Variants in ZNF790 observed in about 807,000 individuals in gnomAD.
ZNF790 encodes the protein zinc finger protein 790.
In ZNF790, 8 loss-of-function variants were observed where a neutral mutation model predicts 12.1. The ratio of observed to expected loss-of-function variants is 0.66; its 90% confidence interval spans 0.39 to 1.19. The LOEUF (loss-of-function observed/expected upper bound fraction) is 1.19, where lower values mean the gene tolerates loss of function less well. Among genes scored for constraint, ZNF790 ranks in the 50% most tolerant of loss-of-function variants. ZNF790 has a pLI of 0.01. For synonymous variants in ZNF790, 252 were observed against 244.3 expected (o/e 1.03, Z -0.29); for missense variants, 707 against 752.2 (o/e 0.94, Z 0.70).
intron 1 of ZNF790, among the ~76,000 whole-genome samples, chr19:36,847,672 C>T (rs1037134950): frequency 1.3e-5 from 2 of 150,984 alleles, no homozygotes; most frequent in African/African-American, 2.4e-5. Flanking sequence ...ATCACTTGAA[C>T]TGGGGAGATG....
Position 36,818,745 on chromosome 19 carries a change from A to C in ZNF790, c.1599T>G (p.Pro533=). 6.2e-7 allele frequency: 1 copy of C among 1,612,324 alleles called. No individual in the cohort carries two copies. Among genetic ancestry groups the C allele is most frequent in the Non-Finnish European group, 8.5e-7 (1 of 1,179,442 alleles). The change falls in exon 5 of 5, where the codon CCT becomes CCG. Residue 533 remains proline (P), a synonymous_variant. Coordinates refer to ENST00000356725, the MANE Select transcript of ZNF790 (RefSeq NM_206894.4). ...ATTTCCCACATTCTTTACATACGTA[A>C]GGTTCCTCACCAGTATGCATTCTCT... ...RHQRMHTGEE[P]YVCKECGKSF... is the part of the protein sequence containing the mutation.
upstream of ZNF790, among the ~76,000 whole-genome samples, chr19:36,839,787 A>G (rs2072113046): frequency 6.6e-6 from 1 of 152,086 alleles, no homozygotes; most frequent in Admixed American, 6.6e-5. Context: ...TCTCAGCTGG[A>G]CGCGGTGGCT....
At chr19:36,842,902 G>T (rs1179766325), upstream of ZNF790, among the ~76,000 whole-genome samples, 1 of 151,526 alleles carries the variant, frequency 6.6e-6, no homozygotes, top group Non-Finnish European at 1.5e-5. Context: ...CTACTCAGGA[G>T]GCTGAGGCAG....
At position 36,818,431 on chromosome 19, in the gene ZNF790, T is replaced by C. The variant is rs1454982308; in HGVS notation, c.*2A>G. On this transcript the variant is annotated 3_prime_UTR_variant, in exon 5 of 5. Coordinates refer to ENST00000356725, the MANE Select transcript of ZNF790 (RefSeq NM_206894.4). ...GCCCTTCCTACACTTTTATATAATA[T>C]TTCACAAGAGTGAAATGAAGTGAGA... is the stretch of plus-strand genomic sequence containing the variant. The C allele has an allele frequency of 3.9e-6, 6 of 1,529,094 alleles. No homozygotes were observed. The African/African-American group carries it at 8.3e-5, about 21-fold the overall frequency. The allele number at this position is 1,529,094 out of a possible 1,614,324, so 94.7% of individuals were successfully genotyped here.
At chr19:36,820,169 A>C (rs901466306) in intron 4 of ZNF790, 55 bp from the exon 5 acceptor site, 2 of 1,514,826 alleles carry the variant, frequency 1.3e-6, no homozygotes, top group Non-Finnish European at 1.8e-6. Flanking sequence ...AAAGCAATAC[A>C]ACTTCTAAAA....
chr19:36,845,799 T>C (rs886940135), intron 1 of ZNF790, among the ~76,000 whole-genome samples: 1 of 134,510 alleles, frequency 7.4e-6, no homozygotes, highest in Non-Finnish European at 1.5e-5. Flanking sequence ...ACCTAGATTC[T>C]TTTTTTTTTT....
chr19:36,836,060 T>C (rs1323161822), intron 1 of ZNF790, among the ~76,000 whole-genome samples: 2 of 152,040 alleles, frequency 1.3e-5, no homozygotes, highest in Non-Finnish European at 2.9e-5. Flanking sequence ...CTGCCTACCT[T>C]GACCCCCCTT....
At position 36,819,335 on chromosome 19, in the gene ZNF790, G is replaced by GT. The variant is rs2071614146; in HGVS notation, c.1008dup (p.Pro337ThrfsTer3). ...TTCCCACACTCCTTACATTCATAAG[G>GT]TTTTTCACCAGTGTGAATTCTCTGA... On this transcript the variant is annotated frameshift_variant, in exon 5 of 5. Coordinates refer to ENST00000356725, the MANE Select transcript of ZNF790 (RefSeq NM_206894.4). LOFTEE classifies it low-confidence loss of function (END_TRUNC). 2 of 1,612,230 alleles carry GT rather than the reference G, an allele frequency of 1.2e-6. No homozygotes were observed. The highest frequency in any genetic ancestry group is 3.3e-5 in the Admixed American group (2 of 59,746).
intron 1 of ZNF790, among the ~76,000 whole-genome samples, chr19:36,827,089 T>G (rs1423934143): frequency 7.0e-6 from 1 of 142,226 alleles, no homozygotes; most frequent in African/African-American, 2.6e-5. Context: ...TGTGTGTATA[T>G]ATGTGTGTGT....
At chr19:36,838,555 A>G (rs908578478), upstream of ZNF790, among the ~76,000 whole-genome samples, 2 of 152,060 alleles carry the variant, frequency 1.3e-5, no homozygotes, top group Admixed American at 1.3e-4. This position sits in a 1 kb window ranked among gnomAD's most constrained non-coding sequence, Gnocchi z 4.4. Context: ...TCGCCCACAC[A>G]CCGCTCACAT....
At position 36,825,615 on chromosome 19, in the gene ZNF790, G is replaced by C. The variant is rs955337909; in HGVS notation, c.5C>G (p.Ala2Gly). 1 of 1,614,000 alleles carries C rather than the reference G, an allele frequency of 6.2e-7. No homozygotes were observed. The highest frequency in any genetic ancestry group is 8.5e-7 in the Non-Finnish European group (1 of 1,179,924). The change falls in exon 2 of 5, where the codon GCC becomes GGC. Residue 2 changes from alanine (A) to glycine (G), a missense_variant. Transcript: ENST00000356725. Reference sequence around the variant, plus strand: ...AGAGAGGCAATTCCAACTCACATGGGCCATGACTTAACATTCCAAGTCCAC... The same window carrying C: ...AGAGAGGCAATTCCAACTCACATGGCCCATGACTTAACATTCCAAGTCCAC... M[A>G]HLMMFRDVAV...
intron 1 of ZNF790, among the ~76,000 whole-genome samples, chr19:36,847,335 A>G (rs1225624225): frequency 1.3e-5 from 2 of 152,184 alleles, no homozygotes; most frequent in Non-Finnish European, 2.9e-5. Flanking sequence ...TGGGCAATAC[A>G]GTAAGACTTT....
At chr19:36,823,093 G>C (rs1010038239) in intron 4 of ZNF790, among the ~76,000 whole-genome samples, 192 bp downstream of exon 4, 62 of 152,078 alleles carry the variant, frequency 4.1e-4, no homozygotes, top group African/African-American at 1.4e-3. Flanking sequence ...TGCCCAGGCT[G>C]GTCTTAAACT....
At chr19:36,838,993 G>A (rs574821164), upstream of ZNF790, among the ~76,000 whole-genome samples, 1 of 152,332 alleles carries the variant, frequency 6.6e-6, no homozygotes, top group African/African-American at 2.4e-5. This position sits in a 1 kb window ranked among gnomAD's most constrained non-coding sequence, Gnocchi z 4.4. Flanking sequence ...CAGCCCTATA[G>A]GGGTACCCTG....
At chr19:36,825,432 T>G (rs1455144209) in intron 2 of ZNF790, among the ~76,000 whole-genome samples, 179 bp downstream of exon 2, 1 of 152,204 alleles carries the variant, frequency 6.6e-6, no homozygotes, top group African/African-American at 2.4e-5. Context: ...GTGGATAGAT[T>G]TGGTCATACT....
At chr19:36,829,201 A>G (rs1306097152) in intron 1 of ZNF790, among the ~76,000 whole-genome samples, 1 of 152,232 alleles carries the variant, frequency 6.6e-6, no homozygotes, top group Non-Finnish European at 1.5e-5. Flanking sequence ...ATTCACAAAT[A>G]CGTGCAACCA....
chr19:36,823,643 T>G lies in ZNF790; in HGVS notation c.133+24A>C, dbSNP rs2071725702. 4 of 1,597,018 alleles carry G rather than the reference T, an allele frequency of 2.5e-6. No individual in the cohort carries two copies. In the East Asian group the frequency reaches 8.9e-5, roughly 36 times the overall value. On this transcript the variant is annotated intron_variant, in intron 3 of 4. Coordinates refer to ENST00000356725, the MANE Select transcript of ZNF790 (RefSeq NM_206894.4). ...AATCACAATACAGAAAGCAGGAATT[T>G]CTAAGGAAAATGCTGAATCTTACCC... is the stretch of plus-strand genomic sequence containing the variant.
At chr19:36,827,139 C>CATAT (rs1292370504) in intron 1 of ZNF790, among the ~76,000 whole-genome samples, 93 of 70,196 alleles carry the variant, frequency 1.3e-3, no homozygotes, top group African/African-American at 5.0e-3. Flanking sequence ...CACACACACA[C>CATAT]ACATATATAT....
intron 1 of ZNF790, among the ~76,000 whole-genome samples, chr19:36,828,822 G>A (rs1282858245): frequency 1.3e-5 from 2 of 152,138 alleles, no homozygotes; most frequent in East Asian, 3.8e-4. Context: ...TGGAAACCAT[G>A]TAGACAGAAA....
Sources: gnomAD v4.1 joint callset for allele counts (sites outside exome capture counted in the v4.1 genomes callset) on GRCh38, gnomAD v4.1.1 for gene constraint, Gnocchi (gnomAD v3.1) non-coding constraint, MANE v1.5 for transcripts, NCBI Gene and HGNC (gene_info 2026-07-23, HGNC 2026-07-21) for gene names.